Variants in LHFPL2 observed in about 807,000 individuals in gnomAD.
LHFPL2 encodes LHFPL tetraspan subfamily member 2 protein.
In LHFPL2, 7 loss-of-function variants were observed where a neutral mutation model predicts 17.5. The observed-to-expected ratio is 0.40, with a 90% CI of 0.23 to 0.75. The LOEUF (loss-of-function observed/expected upper bound fraction) is 0.75. Ranked by LOEUF, LHFPL2 falls within the 30% of genes least tolerant of loss-of-function variation. LHFPL2 has a pLI of 0.37. For synonymous variants in LHFPL2, 134 were observed against 116.2 expected (o/e 1.15, Z -0.99); for missense variants, 241 against 294.8 (o/e 0.82, Z 1.34).
chr5:78,601,648 G>A (rs1448725427), intron 2 of LHFPL2, among the ~76,000 whole-genome samples: 8 of 152,114 alleles, frequency 5.3e-5, no homozygotes, highest in African/African-American at 1.7e-4. Flanking sequence ...AGCTTCTCAC[G>A]CACTGTCTCT....
intron 3 of LHFPL2, among the ~76,000 whole-genome samples, chr5:78,544,640 G>C (rs571227027): frequency 6.6e-6 from 1 of 152,282 alleles, no homozygotes; most frequent in East Asian, 1.9e-4. Context: ...CGGAGCCACA[G>C]CTTGCTGACC....
At chr5:78,505,259 C>A (rs565629220) in intron 4 of LHFPL2, among the ~76,000 whole-genome samples, 1 of 152,228 alleles carries the variant, frequency 6.6e-6, no homozygotes, top group African/African-American at 2.4e-5. Flanking sequence ...GCTGATCACC[C>A]GGCTTTTGTA....
At chr5:78,558,179 A>G (rs969751960) in intron 3 of LHFPL2, among the ~76,000 whole-genome samples, 1 of 152,208 alleles carries the variant, frequency 6.6e-6, no homozygotes, top group African/African-American at 2.4e-5. Flanking sequence ...ATTTTAAATA[A>G]GAATACTAAA....
chr5:78,510,468 C>A, intron 3 of LHFPL2, 70 bp from the exon 4 acceptor site: 2 of 490,622 alleles, frequency 4.1e-6, no homozygotes, highest in South Asian at 2.9e-5. Flanking sequence ...GCAGCGACAC[C>A]GTCCAAGTCC....
At chr5:78,541,962 T>C (rs1176309061) in intron 3 of LHFPL2, among the ~76,000 whole-genome samples, 1 of 152,158 alleles carries the variant, frequency 6.6e-6, no homozygotes, top group Non-Finnish European at 1.5e-5. Flanking sequence ...TATCTTTCTA[T>C]GGTGGAAATA....
chr5:78,637,973 A>C (rs533663078), intron 1 of LHFPL2, among the ~76,000 whole-genome samples: 24 of 152,194 alleles, frequency 1.6e-4, no homozygotes, highest in Admixed American at 3.9e-4. Context: ...AAGTCTTGTC[A>C]GTGCTGGTTT....
At chr5:78,617,290 A>T (rs1444839159) in intron 2 of LHFPL2, among the ~76,000 whole-genome samples, 1 of 152,200 alleles carries the variant, frequency 6.6e-6, no homozygotes, top group African/African-American at 2.4e-5. Flanking sequence ...TCGGACTCCC[A>T]AAGTGCAGGG....
chr5:78,498,872 C>A (rs1236150070), intron 4 of LHFPL2, among the ~76,000 whole-genome samples: 1 of 152,202 alleles, frequency 6.6e-6, no homozygotes, highest in Non-Finnish European at 1.5e-5. Flanking sequence ...GACATAGATG[C>A]ACTTGTCCCA....
intron 3 of LHFPL2, among the ~76,000 whole-genome samples, chr5:78,564,493 G>A (rs1561341331): frequency 1.3e-5 from 2 of 152,090 alleles, no homozygotes; most frequent in African/African-American, 2.4e-5. Flanking sequence ...AGAGAAGCTC[G>A]AAAGGAAAGA....
chr5:78,602,981 C>T (rs1016465132), intron 2 of LHFPL2, among the ~76,000 whole-genome samples: 8 of 152,182 alleles, frequency 5.3e-5, no homozygotes, highest in Admixed American at 4.6e-4. Flanking sequence ...ACCTTCGCCT[C>T]CTGGGTTCAA....
intron 2 of LHFPL2, among the ~76,000 whole-genome samples, chr5:78,567,334 G>T (rs1756884055): frequency 1.3e-5 from 2 of 152,018 alleles, no homozygotes; most frequent in Non-Finnish European, 2.9e-5. Context: ...TTCTGTTCTG[G>T]GTTTGGTTAG....
chr5:78,606,636 A>G (rs1203353156), intron 2 of LHFPL2, among the ~76,000 whole-genome samples: 3 of 152,214 alleles, frequency 2.0e-5, no homozygotes, highest in Admixed American at 6.5e-5. Context: ...AGCCAACTCC[A>G]GCCAGAAACC....
At chr5:78,598,199 T>G (rs1235472200) in intron 2 of LHFPL2, among the ~76,000 whole-genome samples, 1 of 152,214 alleles carries the variant, frequency 6.6e-6, no homozygotes, top group Non-Finnish European at 1.5e-5. Context: ...GTGTGGGAAT[T>G]ATACAAACTA....
intron 2 of LHFPL2, among the ~76,000 whole-genome samples, chr5:78,624,134 C>T (rs1039186646): frequency 1.3e-5 from 2 of 152,230 alleles, no homozygotes; most frequent in African/African-American, 4.8e-5. Flanking sequence ...AGCCTGCCAG[C>T]TTTAGATCAA....
At chr5:78,532,689 A>G (rs1456647349) in intron 3 of LHFPL2, among the ~76,000 whole-genome samples, 1 of 152,100 alleles carries the variant, frequency 6.6e-6, no homozygotes, top group Admixed American at 6.5e-5. Context: ...TAATAAAACC[A>G]TCACCGTCAT....
rs570010388 is a variant in LHFPL2 at position 78,498,265 on chromosome 5, G to T, written c.431-9112C>A. 3.3e-5 allele frequency among the ~76,000 whole-genome samples: 5 copies of T among 152,298 alleles called. No individual in the cohort carries two copies. The South Asian group carries it at 1.0e-3, about 32-fold the overall frequency. On this transcript the variant is annotated intron_variant, in intron 4 of 4. Transcript: ENST00000380345. ...GCAGCATCGCAGATCAACCTCTCAG[G>T]GTGGGGGTGTGTTTTTCTGTTTCCA...
intron 4 of LHFPL2, among the ~76,000 whole-genome samples, 188 bp downstream of exon 4, chr5:78,509,596 C>G (rs1238350717): frequency 1.3e-5 from 2 of 152,188 alleles, no homozygotes; most frequent in African/African-American, 4.8e-5. Flanking sequence ...TGGGGTAAGA[C>G]AGGGGAAAGA....
At chr5:78,633,213 C>G (rs1416715559) in intron 1 of LHFPL2, among the ~76,000 whole-genome samples, 2 of 152,192 alleles carry the variant, frequency 1.3e-5, no homozygotes, top group African/African-American at 4.8e-5. Flanking sequence ...TGTGAGAGGA[C>G]AGAAAGACAA....
At chr5:78,581,804 T>A (rs1743154639) in intron 2 of LHFPL2, among the ~76,000 whole-genome samples, 1 of 152,246 alleles carries the variant, frequency 6.6e-6, no homozygotes, top group African/African-American at 2.4e-5. Context: ...GCTGGCCTCA[T>A]AAAATGAGTT....
Sources: allele counts gnomAD v4.1 joint callset (sites outside exome capture counted in the v4.1 genomes callset), GRCh38; gene constraint gnomAD v4.1.1; transcripts MANE v1.5; gene names NCBI Gene and HGNC (gene_info 2026-07-23, HGNC 2026-07-21).